The following HS6ST2 variants were observed in gnomAD, a reference collection of about 807,000 sequenced individuals.
The protein encoded by HS6ST2 is heparan sulfate 6-O-sulfotransferase 2, also known as heparan-sulfate 6-O-sulfotransferase 2.
A neutral mutation model predicts 33.0 loss-of-function variants in HS6ST2; 17 were observed. The observed-to-expected ratio is 0.52, with a 90% CI of 0.35 to 0.77. The LOEUF is 0.77. Among genes scored for constraint, HS6ST2 ranks in the 30% least tolerant of loss-of-function variants. The pLI is 0.01. For synonymous variants in HS6ST2, 248 were observed against 237.1 expected, an observed-to-expected ratio of 1.05 and a Z score of -0.42; for missense variants, 519 against 551.7, an observed-to-expected ratio of 0.94 and a Z score of 0.59.
chrX:132,821,939 T>C (rs750599103), intron 2 of HS6ST2, among the ~76,000 whole-genome samples: 1 of 111,271 alleles, frequency 9.0e-6, no homozygotes, highest in South Asian at 3.9e-4. Context: ...TGCTATGAGC[T>C]GAGATCTCCC....
chrX:132,647,575 T>A (rs1458525056), intron 4 of HS6ST2, among the ~76,000 whole-genome samples: 2 of 112,337 alleles, frequency 1.8e-5, no homozygotes, highest in Non-Finnish European at 3.8e-5. Context: ...TAGGCAGGCA[T>A]GGTCTTTGCC....
chrX:132,949,600 C>A lies in HS6ST2; in HGVS notation c.947+7208G>T, dbSNP rs4140647. The stretch of plus-strand genomic sequence containing the variant: ...TAAAGGCTCCCAGGATATCAAGAGG[C>A]TAATGAAATAACCAGCCAGGAACCA... On this transcript the variant is annotated intron_variant, in intron 2 of 4. Transcript: ENST00000370833. 2.3e-3 allele frequency among the ~76,000 whole-genome samples: 254 copies of A among 110,490 alleles called. 8 individuals carry two copies. In the East Asian group the frequency reaches 0.061, roughly 26 times the overall value.
chrX:132,682,839 C>T (rs1315782071), intron 3 of HS6ST2, among the ~76,000 whole-genome samples: 1 of 110,774 alleles, frequency 9.0e-6, no homozygotes, highest in Non-Finnish European at 1.9e-5. Flanking sequence ...GGCACGGTGG[C>T]TCACACCTGT....
intron 2 of HS6ST2, among the ~76,000 whole-genome samples, chrX:132,871,158 C>A (rs553867591): frequency 4.5e-5 from 5 of 112,014 alleles, no homozygotes; most frequent in African/African-American, 9.7e-5. Context: ...ATGTGGCCAA[C>A]AAACATATGA....
At chrX:132,757,442 G>A (rs147141337) in intron 2 of HS6ST2, among the ~76,000 whole-genome samples, 1 of 111,671 alleles carries the variant, frequency 9.0e-6, no homozygotes, top group East Asian at 2.8e-4. Context: ...CTTCTCTCTG[G>A]CCACTCTCTG....
At chrX:132,682,165 A>G (rs1424622517) in intron 3 of HS6ST2, among the ~76,000 whole-genome samples, 1 of 112,254 alleles carries the variant, frequency 8.9e-6, no homozygotes, top group Non-Finnish European at 1.9e-5. Flanking sequence ...CAAGGAAGAG[A>G]TGCCATAAAT....
chrX:132,828,295 G>C (rs1322294840), intron 2 of HS6ST2, among the ~76,000 whole-genome samples: 1 of 110,635 alleles, frequency 9.0e-6, no homozygotes, highest in Non-Finnish European at 1.9e-5. Flanking sequence ...AGATGGTAGT[G>C]GTTTTGTTAA....
chrX:132,851,269 A>T (rs2065797993), intron 2 of HS6ST2, among the ~76,000 whole-genome samples: 1 of 112,243 alleles, frequency 8.9e-6, no homozygotes, highest in South Asian at 3.7e-4. Flanking sequence ...GGGTAACCAA[A>T]ATGCAATCCA....
chrX:132,754,197 T>C (rs1458576512), intron 2 of HS6ST2, among the ~76,000 whole-genome samples: 2 of 110,840 alleles, frequency 1.8e-5, no homozygotes, highest in Admixed American at 9.6e-5. Flanking sequence ...TCCCATTCTA[T>C]TGGAATTTTT....
intron 2 of HS6ST2, among the ~76,000 whole-genome samples, chrX:132,889,332 G>A (rs2148449753): frequency 9.0e-6 from 1 of 111,569 alleles, no homozygotes; most frequent in Non-Finnish European, 1.9e-5. Context: ...AGATTATGGT[G>A]TTGAGGGATT....
intron 2 of HS6ST2, among the ~76,000 whole-genome samples, chrX:132,873,910 T>A (rs767506284): frequency 1.8e-5 from 2 of 111,048 alleles, no homozygotes; most frequent in East Asian, 5.7e-4. Context: ...TGAAGCCAAA[T>A]CTCACCGTCC....
intron 2 of HS6ST2, among the ~76,000 whole-genome samples, chrX:132,837,114 A>G (rs2065651248): frequency 8.9e-6 from 1 of 112,149 alleles, no homozygotes. Context: ...ACGCCTAGAA[A>G]GCATTTTGCA....
intron 4 of HS6ST2, among the ~76,000 whole-genome samples, chrX:132,642,650 C>T (rs1014032192): frequency 8.1e-5 from 9 of 111,564 alleles, no homozygotes; most frequent in African/African-American, 2.3e-4. Context: ...CAGTAACAGG[C>T]ACAGCCTTGT....
At chrX:132,795,641 T>C (rs975212675) in intron 2 of HS6ST2, among the ~76,000 whole-genome samples, 5 of 111,666 alleles carry the variant, frequency 4.5e-5, no homozygotes, top group Non-Finnish European at 9.4e-5. Context: ...AGTTTCACTG[T>C]GTCCCTCAGG....
intron 3 of HS6ST2, among the ~76,000 whole-genome samples, chrX:132,684,802 G>A (rs1242220387): frequency 3.6e-5 from 4 of 111,840 alleles, no homozygotes; most frequent in Admixed American, 2.9e-4. Context: ...TTTCTTTCTA[G>A]TTCTTTGTTC....
At chrX:132,716,317 T>C (rs1475969455) in intron 2 of HS6ST2, among the ~76,000 whole-genome samples, 1 of 112,305 alleles carries the variant, frequency 8.9e-6, no homozygotes, top group African/African-American at 3.2e-5. Context: ...ACATTGTTTC[T>C]GAAAACATTA....
chrX:132,794,367 C>T (rs749397240), intron 2 of HS6ST2, among the ~76,000 whole-genome samples: 2 of 111,268 alleles, frequency 1.8e-5, no homozygotes, highest in African/African-American at 3.3e-5. Context: ...CTTTAGACTT[C>T]GGAAATGCTT....
chrX:132,853,439 G>A (rs758039567), intron 2 of HS6ST2, among the ~76,000 whole-genome samples: 6 of 109,392 alleles, frequency 5.5e-5, no homozygotes, highest in East Asian at 2.9e-4. Flanking sequence ...GATTACAGGC[G>A]TCAGCCACCG....
At chrX:132,929,644 G>T (rs1243555646) in intron 2 of HS6ST2, among the ~76,000 whole-genome samples, 1 of 111,428 alleles carries the variant, frequency 9.0e-6, no homozygotes, top group East Asian at 2.8e-4. Flanking sequence ...TGATAAAAGG[G>T]TCAATCAACC....
Sources: allele counts gnomAD v4.1 joint callset (sites outside exome capture counted in the v4.1 genomes callset), GRCh38; gene constraint gnomAD v4.1.1; transcripts MANE v1.5; gene names NCBI Gene and HGNC (gene_info 2026-07-23, HGNC 2026-07-21).